Variants in NCAPD2 observed in about 807,000 individuals in gnomAD.
NCAPD2 encodes the protein non-SMC condensin I complex subunit D2.
A neutral mutation model predicts 164.5 loss-of-function variants in NCAPD2; 100 were observed. That is an observed-to-expected ratio of 0.61 (90% confidence interval 0.52 to 0.72). NCAPD2 has a LOEUF of 0.72. Ranked by LOEUF, NCAPD2 falls within the 30% of genes least tolerant of loss-of-function variation. The probability of loss-of-function intolerance (pLI) is 0.00; values close to 1 mark genes in which losing one functional copy is unlikely to be tolerated. For synonymous variants in NCAPD2, 585 were observed against 642.6 expected, an observed-to-expected ratio of 0.91 and a Z score of 1.36; for missense variants, 1,560 against 1,749.2, an observed-to-expected ratio of 0.89 and a Z score of 1.93.
chr12:6,520,727 T>C (rs1946256155), intron 13 of NCAPD2, among the ~76,000 whole-genome samples: 1 of 152,088 alleles, frequency 6.6e-6, no homozygotes, highest in Non-Finnish European at 1.5e-5. Flanking sequence ...CTTATTGGAG[T>C]TTTTTTGAAG....
rs538086261 is a variant in NCAPD2, at chr12:6,505,577, G to C, written c.128-4140G>C. Among the ~76,000 whole-genome samples, 15 of 152,202 alleles carry C rather than the reference G, an allele frequency of 9.9e-5. No homozygotes were observed. The East Asian group carries it at 2.7e-3, about 27-fold the overall frequency. On this transcript the variant is annotated intron_variant, in intron 2 of 31. Transcript: ENST00000315579. ...CTTTAGGCCAGGTGTGGTGGCTCGC[G>C]CCTGTAATTCTAGCACTTTGGGAGG...
rs141122541 is a variant in NCAPD2 at position 6,517,033 on chromosome 12, A to G, written c.1185+8A>G. The G allele has an allele frequency of 0.012, 19,356 of 1,613,890 alleles. 145 individuals are homozygous for G. Among genetic ancestry groups the G allele is most frequent in the Middle Eastern group, 0.023 (137 of 6,060 alleles). ...CGAATTGTCCAGCAGAAGGTAACCA[A>G]CTTCTATGTGGCAAAAACATATGGT... is the stretch of plus-strand genomic sequence containing the variant. On this transcript the variant is annotated splice_region_variant and intron_variant, in intron 10 of 31. Transcript: ENST00000315579.
At chr12:6,504,212 TATATAG>T (rs1202217940) in intron 2 of NCAPD2, among the ~76,000 whole-genome samples, 1 of 21,734 alleles carries the variant, frequency 4.6e-5, no homozygotes, top group Non-Finnish European at 7.7e-5. Flanking sequence ...TATATATATA[TATATAG>T]ATATAGATAT....
intron 14 of NCAPD2, 108 bp from the exon 15 acceptor site, chr12:6,521,690 G>T: frequency 3.6e-6 from 5 of 1,405,758 alleles, no homozygotes; most frequent in Non-Finnish European, 4.8e-6. Flanking sequence ...CATCTCAAAA[G>T]AAAAGAAGAA....
chr12:6,499,868 C>T (rs1476761840), intron 2 of NCAPD2, among the ~76,000 whole-genome samples: 1 of 152,070 alleles, frequency 6.6e-6, no homozygotes, highest in Non-Finnish European at 1.5e-5. Flanking sequence ...CACCTGTAAT[C>T]CTAGCACTTT....
chr12:6,528,898 T>A lies in NCAPD2; in HGVS notation c.3477+42T>A. The A allele has an allele frequency of 6.2e-7, 1 of 1,613,472 alleles. No individual in the cohort carries two copies. The highest frequency in any genetic ancestry group is 8.5e-7 in the Non-Finnish European group (1 of 1,179,434). The stretch of plus-strand genomic sequence containing the variant: ...CACTGAGGGCTGGCTGCAGAGGGAA[T>A]CTGTAGGTCACCTCATCTCCTTAAC... On this transcript the variant is annotated intron_variant, in intron 26 of 31. Coordinates refer to ENST00000315579, the MANE Select transcript of NCAPD2 (RefSeq NM_014865.4). The surrounding 1 kb of genome is among the most constrained non-coding windows in gnomAD (Gnocchi z 5.1).
chr12:6,529,994 T>C (rs747034780), intron 29 of NCAPD2, 36 bp downstream of exon 29: 12 of 1,590,402 alleles, frequency 7.5e-6, no homozygotes, highest in African/African-American at 4.0e-5. Context: ...CCTGTTGGGT[T>C]CTGGGCTGGC....
rs761677659 is a variant in NCAPD2, at chr12:6,510,764, C to A, written c.398C>A (p.Thr133Asn). The change falls in exon 5 of 32, where the codon ACC (threonine) becomes AAC (asparagine). Residue 133 changes from threonine to asparagine, a missense_variant. Coordinates refer to ENST00000315579, the MANE Select transcript of NCAPD2 (RefSeq NM_014865.4). ...ATACGTCTCCTGGAATCCTTTGAGA[C>A]CATGGCCAGCCAGACAAACCTTGTG... ...ALIRLLESFE[T>N]MASQTNLVDL... 1.5e-5 allele frequency: 25 copies of A among 1,614,002 alleles called. No homozygotes were observed. The highest frequency in any genetic ancestry group is 5.0e-5 in the Admixed American group (3 of 59,972).
intron 2 of NCAPD2, among the ~76,000 whole-genome samples, chr12:6,501,380 G>A (rs191510175): frequency 1.3e-5 from 2 of 152,066 alleles, no homozygotes; most frequent in East Asian, 3.9e-4. Flanking sequence ...TAGAGATGCG[G>A]TTTTGCCGTG....
chr12:6,523,498 AG>A, intron 17 of NCAPD2, 152 bp downstream of exon 17: 1 of 618,340 alleles, frequency 1.6e-6, no homozygotes, highest in East Asian at 2.9e-5. Context: ...CCCAGGTTCA[AG>A]CAATTCTCCT....
intron 2 of NCAPD2, among the ~76,000 whole-genome samples, chr12:6,496,493 C>T (rs559212725): frequency 1.3e-5 from 2 of 152,222 alleles, no homozygotes; most frequent in East Asian, 1.9e-4. Flanking sequence ...GGCATGATCA[C>T]GGCTCACTGC....
In NCAPD2 at chr12:6,528,693, C is replaced by T; in HGVS notation, c.3314C>T (p.Ala1105Val). 1 of 1,612,660 alleles carries T rather than the reference C, an allele frequency of 6.2e-7. No homozygotes were observed. The highest frequency in any genetic ancestry group is 1.1e-5 in the South Asian group (1 of 91,060). Residue 1105 changes from alanine to valine, a missense_variant, in exon 26 of 32, where the codon GCT becomes GTT. Coordinates refer to ENST00000315579, the MANE Select transcript of NCAPD2 (RefSeq NM_014865.4). This position sits in a 1 kb window ranked among gnomAD's most constrained non-coding sequence, Gnocchi z 5.1. The stretch of plus-strand genomic sequence containing the variant: ...TCCATTCCTAGTCTCCGGGACCCTG[C>T]TCAGCAAGTGCGGAAAACAGCGGGG... Reference protein sequence around the residue: ...PHLYARLRDPAQQVRKTAGLV... With the variant: ...PHLYARLRDPVQQVRKTAGLV...
At chr12:6,496,957 T>C (rs183407503) in intron 2 of NCAPD2, among the ~76,000 whole-genome samples, 45 of 152,346 alleles carry the variant, frequency 3.0e-4, no homozygotes, top group African/African-American at 1.1e-3. Flanking sequence ...AGCTGTATTA[T>C]ATTTTTATGA....
chr12:6,531,200 C>A lies in NCAPD2; in HGVS notation c.4120+124C>A. ...CTCTGCCCCACTGCCGCAGAAGGGC[C>A]TCTCCTGTACAGCTTGGATTTTATT... is the stretch of plus-strand genomic sequence containing the variant. On this transcript the variant is annotated intron_variant, in intron 31 of 31. Transcript: ENST00000315579. This position sits in a 1 kb window ranked among gnomAD's most constrained non-coding sequence, Gnocchi z 4.1. 2 of 1,474,206 alleles carry A rather than the reference C, an allele frequency of 1.4e-6. No homozygotes were observed. Among genetic ancestry groups the A allele is most frequent in the Non-Finnish European group, 1.9e-6 (2 of 1,073,552 alleles). The allele number at this position is 1,474,206 out of a possible 1,614,324, so 91.3% of individuals were successfully genotyped here. A position where few individuals can be genotyped will look rare whatever the true frequency, so the allele number is the denominator to read the frequency against.
intron 2 of NCAPD2, among the ~76,000 whole-genome samples, chr12:6,503,594 A>AC (rs1243719798): frequency 2.6e-5 from 4 of 151,828 alleles, no homozygotes; most frequent in African/African-American, 7.3e-5. Flanking sequence ...ATATGGTGAA[A>AC]CCCCGTCTCT....
At chr12:6,523,055 G>C in intron 16 of NCAPD2, 53 bp downstream of exon 16, 1 of 1,596,770 alleles carries the variant, frequency 6.3e-7, no homozygotes, top group Non-Finnish European at 8.6e-7. Context: ...GCTTCTCACA[G>C]GACTTCCCTT....
At chr12:6,529,160 A>ATTTTTGT in intron 27 of NCAPD2, 121 bp downstream of exon 27, 1 of 850,312 alleles carries the variant, frequency 1.2e-6, no homozygotes, top group Non-Finnish European at 1.8e-6. Context: ...GCAATAACTT[A>ATTTTTGT]GCCTCTCTTT....
chr12:6,524,510 G>T (rs1204957077), intron 17 of NCAPD2, among the ~76,000 whole-genome samples: 1 of 151,974 alleles, frequency 6.6e-6, no homozygotes, highest in Non-Finnish European at 1.5e-5. Flanking sequence ...TTAGCCAGGT[G>T]TGGTGGTGGG....
At position 6,528,615 on chromosome 12, in the gene NCAPD2, T is replaced by C; in HGVS notation, c.3300-64T>C. The C allele has an allele frequency of 6.5e-7, 1 of 1,531,718 alleles. No individual in the cohort carries two copies. The highest frequency in any genetic ancestry group is 2.3e-5 in the East Asian group (1 of 44,054). The allele number at this position is 1,531,718 out of a possible 1,614,324, so 94.9% of individuals were successfully genotyped here. ...ATAATTGATTCCTGCTGAGGGCCTT[T>C]TCTACCAGTGTTAGGGTGTAGCCCG... On this transcript the variant is annotated intron_variant, in intron 25 of 31. Coordinates refer to ENST00000315579, the MANE Select transcript of NCAPD2 (RefSeq NM_014865.4). The surrounding 1 kb of genome is among the most constrained non-coding windows in gnomAD (Gnocchi z 5.1).
Sources: gnomAD v4.1 joint callset for allele counts (sites outside exome capture counted in the v4.1 genomes callset) on GRCh38, gnomAD v4.1.1 for gene constraint, Gnocchi (gnomAD v3.1) non-coding constraint, MANE v1.5 for transcripts, NCBI Gene and HGNC (gene_info 2026-07-23, HGNC 2026-07-21) for gene names.